The following FSD2 variants were observed in gnomAD, a reference collection of about 807,000 sequenced individuals.
The protein encoded by FSD2 is fibronectin type III and SPRY domain-containing protein 2.
A neutral mutation model predicts 80.4 loss-of-function variants in FSD2; 71 were observed. That is an observed-to-expected ratio of 0.88 (90% CI 0.73 to 1.08). The LOEUF (loss-of-function observed/expected upper bound fraction) is 1.08, where lower values mean the gene tolerates loss of function less well. Ranked by LOEUF, FSD2 falls within the 50% of genes least tolerant of loss-of-function variation. FSD2 has a pLI of 0.00. For missense variants in FSD2, 923 were observed against 913.8 expected (o/e 1.01, Z -0.13); for synonymous variants, 361 against 329.5 (o/e 1.10, Z -1.03).
intron 11 of FSD2, among the ~76,000 whole-genome samples, chr15:82,763,962 G>A (rs1295398402): frequency 6.6e-6 from 1 of 152,122 alleles, no homozygotes; most frequent in Non-Finnish European, 1.5e-5. Flanking sequence ...ATATGTACAT[G>A]TACAAAGCAA....
At chr15:82,790,583 T>C (rs1057388948) in intron 1 of FSD2, among the ~76,000 whole-genome samples, 1 of 151,436 alleles carries the variant, frequency 6.6e-6, no homozygotes, top group Non-Finnish European at 1.5e-5. Context: ...CGTGTGTGTG[T>C]GTGTGTGTTT....
intron 1 of FSD2, among the ~76,000 whole-genome samples, chr15:82,794,236 C>T (rs1449713058): frequency 6.6e-6 from 1 of 151,976 alleles, no homozygotes; most frequent in African/African-American, 2.4e-5. Flanking sequence ...TTCTTTGACC[C>T]ATTGGTTATT....
At position 82,759,336 on chromosome 15, in the gene FSD2, C is replaced by T. The variant is rs758237661; in HGVS notation, c.*12G>A. 2.5e-6 allele frequency: 4 copies of T among 1,610,734 alleles called. No homozygotes were observed. The highest frequency in any genetic ancestry group is 2.2e-5 in the South Asian group (2 of 90,572). On this transcript the variant is annotated 3_prime_UTR_variant, in exon 13 of 13. Coordinates refer to ENST00000334574, the MANE Select transcript of FSD2 (RefSeq NM_001007122.4). ...TAGGCATGGAAGACAGGAAACTGGA[C>T]ATCAGAATGTTCTAATAGAAAGTGA...
chr15:82,770,968 C>T (rs1007079117), intron 7 of FSD2, among the ~76,000 whole-genome samples: 2 of 152,140 alleles, frequency 1.3e-5, no homozygotes, highest in Non-Finnish European at 2.9e-5. Context: ...TGGGGTTAAT[C>T]AAGTCTGACT....
At chr15:82,784,380 G>A (rs1198484114) in intron 3 of FSD2, among the ~76,000 whole-genome samples, 3 of 151,950 alleles carry the variant, frequency 2.0e-5, no homozygotes, top group Admixed American at 2.0e-4. Context: ...AAGTAGCTGG[G>A]ATTACAGGCA....
chr15:82,772,535 G>A (rs1301285156), intron 6 of FSD2, among the ~76,000 whole-genome samples: 4 of 152,164 alleles, frequency 2.6e-5, no homozygotes, highest in South Asian at 2.1e-4. Flanking sequence ...TGGCCCTTCC[G>A]TGGCACCTAA....
chr15:82,792,799 A>T (rs1345957104), intron 1 of FSD2, among the ~76,000 whole-genome samples: 1 of 152,082 alleles, frequency 6.6e-6, no homozygotes, highest in African/African-American at 2.4e-5. Context: ...TGTCTGGCCT[A>T]AGTTTTTGTC....
intron 1 of FSD2, among the ~76,000 whole-genome samples, chr15:82,788,992 A>AG (rs956493865): frequency 1.3e-5 from 2 of 150,400 alleles, no homozygotes; most frequent in Non-Finnish European, 3.0e-5. Context: ...AAAAAAAAAA[A>AG]GTGTTCATAC....
intron 6 of FSD2, among the ~76,000 whole-genome samples, chr15:82,777,077 A>C (rs1230149692): frequency 6.6e-6 from 1 of 152,250 alleles, no homozygotes; most frequent in Non-Finnish European, 1.5e-5. Flanking sequence ...CTCAAAATAG[A>C]TTATTAAAGA....
chr15:82,786,924 C>T lies in FSD2; in HGVS notation c.467G>A (p.Arg156His), dbSNP rs200365323. Reference protein sequence around the residue: ...LREAYRYTHGRASEEYECYVI... With the variant: ...LREAYRYTHGHASEEYECYVI... ...ATAGCATTCATACTCCTCGCTGGCA[C>T]GGCCGTGTGTGTACCTATAGGCTTC... Residue 156 changes from arginine to histidine, a missense_variant, in exon 2 of 13, where the codon CGT (arginine) becomes CAT (histidine). By Grantham distance (29) the Arg-to-His change is conservative (BLOSUM62 0). Transcript: ENST00000334574. 188 of 1,613,998 alleles carry T rather than the reference C, an allele frequency of 1.2e-4. No homozygotes were observed. The highest frequency in any genetic ancestry group is 1.1e-3 in the African/African-American group (83 of 75,038).
chr15:82,764,393 A>G (rs2049359755), intron 11 of FSD2, among the ~76,000 whole-genome samples: 1 of 152,022 alleles, frequency 6.6e-6, no homozygotes, highest in African/African-American at 2.4e-5. Context: ...AAAATTCTGT[A>G]ACCCGGCCCT....
At chr15:82,771,347 C>T (rs2049565942) in intron 7 of FSD2, among the ~76,000 whole-genome samples, 1 of 152,226 alleles carries the variant, frequency 6.6e-6, no homozygotes, top group South Asian at 2.1e-4. Flanking sequence ...CCCCACATGC[C>T]CAGGACAGGT....
intron 12 of FSD2, 43 bp from the exon 13 acceptor site, chr15:82,759,643 AGATT>A (rs1430177343): frequency 8.3e-6 from 12 of 1,439,612 alleles, no homozygotes; most frequent in Middle Eastern, 2.3e-4. Context: ...GTAATTCTAT[AGATT>A]GACTATTTAT....
At chr15:82,769,336 G>A (rs1481797580) in intron 8 of FSD2, among the ~76,000 whole-genome samples, 2 of 152,058 alleles carry the variant, frequency 1.3e-5, no homozygotes, top group East Asian at 1.9e-4. Flanking sequence ...TTGGGAGGCC[G>A]AGGCGGGTGG....
intron 7 of FSD2, among the ~76,000 whole-genome samples, chr15:82,771,226 T>A (rs911209672): frequency 2.0e-5 from 3 of 152,232 alleles, no homozygotes; most frequent in Admixed American, 6.5e-5. Flanking sequence ...CACGTCCTTG[T>A]TCTGCCATAA....
chr15:82,789,657 G>T (rs1337232388), intron 1 of FSD2, among the ~76,000 whole-genome samples: 1 of 152,212 alleles, frequency 6.6e-6, no homozygotes, highest in African/African-American at 2.4e-5. Flanking sequence ...GAGTGTAATT[G>T]ACTGGAGGTT....
In FSD2 at chr15:82,761,981, C is replaced by T; in HGVS notation, c.1997+121G>A. ...TTAGGGAAAGTGGCTGGCAGCAACT[C>T]CTGAAATATCTTAAAATATTTGTAA... On this transcript the variant is annotated intron_variant, in intron 12 of 12. Coordinates refer to ENST00000334574, the MANE Select transcript of FSD2 (RefSeq NM_001007122.4). 3 of 949,364 alleles carry T rather than the reference C, an allele frequency of 3.2e-6. No homozygotes were observed. The South Asian group carries it at 6.3e-5, about 20-fold the overall frequency. 58.8% of individuals were successfully genotyped at this position (949,364 alleles called of 1,614,324 possible).
intron 6 of FSD2, among the ~76,000 whole-genome samples, chr15:82,773,162 CCTT>C (rs1228513979): frequency 6.6e-6 from 1 of 152,150 alleles, no homozygotes; most frequent in Admixed American, 6.6e-5. Context: ...CCTCCATAAT[CCTT>C]CTCCCATGGC....
rs2049210631 is a variant in FSD2, at chr15:82,758,128, A to AC, written c.*1219dup. On this transcript the variant is annotated 3_prime_UTR_variant, in exon 13 of 13. Coordinates refer to ENST00000334574, the MANE Select transcript of FSD2 (RefSeq NM_001007122.4). ...GTTTCGCCAGAAAAAAGAAAAGTGG[A>AC]CTTTTTTTTTTTAAACACAAAACCT... The AC allele has an allele frequency of 6.6e-6, 1 of 151,302 alleles. No individual in the cohort carries two copies. The highest frequency in any genetic ancestry group is 6.6e-5 in the Admixed American group (1 of 15,182). 9.4% of individuals were successfully genotyped at this position (151,302 alleles called of 1,614,324 possible).
Sources: allele counts gnomAD v4.1 joint callset (sites outside exome capture counted in the v4.1 genomes callset), GRCh38; gene constraint gnomAD v4.1.1; transcripts MANE v1.5; gene names NCBI Gene and HGNC (gene_info 2026-07-23, HGNC 2026-07-21).